SLC38A1: variants seen among roughly 807,000 people sequenced by gnomAD.
SLC38A1 encodes sodium-coupled neutral amino acid symporter 1.
Under a neutral mutation model 60.3 loss-of-function variants are expected in SLC38A1, and 18 were observed. The ratio of observed to expected loss-of-function variants is 0.30; its 90% CI spans 0.21 to 0.44. SLC38A1 has a LOEUF of 0.44. Ranked by LOEUF, SLC38A1 falls within the 20% of genes least tolerant of loss-of-function variation. The pLI, the probability that SLC38A1 is intolerant of heterozygous loss-of-function variation, is 1.00. For synonymous variants in SLC38A1, 196 were observed against 212.1 expected (o/e 0.92, Z 0.66); for missense variants, 448 against 587.2 (o/e 0.76, Z 2.45).
In SLC38A1 at chr12:46,186,138, A is replaced by G. The variant is rs1469954612; in HGVS notation, c.*2832T>C. The G allele has an allele frequency of 6.6e-6, 1 of 152,220 alleles. No individual in the cohort carries two copies. The highest frequency in any genetic ancestry group is 1.9e-4 in the East Asian group (1 of 5,196). 9.4% of individuals were successfully genotyped at this position (152,220 alleles called of 1,614,324 possible). A position where few individuals can be genotyped will look rare whatever the true frequency, so the allele number is the denominator to read the frequency against. ...GGAAAATACATTCCAGGTTGCAAAC[A>G]ACCAACTGACAACCTTTTGGAATAT... On this transcript the variant is annotated 3_prime_UTR_variant, in exon 17 of 17. Coordinates refer to ENST00000398637, the MANE Select transcript of SLC38A1 (RefSeq NM_030674.4).
chr12:46,244,035 A>G (rs1295975700), intron 1 of SLC38A1, among the ~76,000 whole-genome samples: 2 of 152,200 alleles, frequency 1.3e-5, no homozygotes, highest in African/African-American at 4.8e-5. Flanking sequence ...CAACCCATCT[A>G]AAATGACACT....
At chr12:46,239,993 C>A (rs1003502398) in intron 2 of SLC38A1, 100 bp from the exon 3 acceptor site, 8 of 553,868 alleles carry the variant, frequency 1.4e-5, no homozygotes, top group Admixed American at 6.2e-5. Flanking sequence ...ACTGATTATA[C>A]AATTTTACAT....
Position 46,189,088 on chromosome 12 carries a change from G to T in SLC38A1, c.1363-17C>A. ...AAGGGCAGCCTGGAGCAAGAGAAAG[G>T]CAAGGGTTATTTTCAGTGCAGCAAA... On this transcript the variant is annotated splice_polypyrimidine_tract_variant and intron_variant, in intron 16 of 16. Coordinates refer to ENST00000398637, the MANE Select transcript of SLC38A1 (RefSeq NM_030674.4). The T allele has an allele frequency of 1.2e-6, 2 of 1,609,480 alleles. No individual in the cohort carries two copies. The highest frequency in any genetic ancestry group is 1.7e-6 in the Non-Finnish European group (2 of 1,176,548).
intron 16 of SLC38A1, among the ~76,000 whole-genome samples, chr12:46,192,965 T>G (rs1352363142): frequency 2.0e-5 from 3 of 152,212 alleles, no homozygotes; most frequent in Non-Finnish European, 4.4e-5. Context: ...ATTTCTTACC[T>G]TCTGCTAGCT....
Position 46,203,018 on chromosome 12 carries a change from C to T in SLC38A1, c.894G>A (p.Glu298=). The part of the protein sequence containing the change: ...CHPSVLPIYS[E]LKDRSQKKMQ... ...TTAAACAAATTTCTTACTCTTTAAG[C>T]TCACTGTAAATTGGCAGGACTGACG... is the stretch of plus-strand genomic sequence containing the variant. The change falls in exon 12 of 17, where the codon GAG becomes GAA. Residue 298 remains glutamate (E), a synonymous_variant. Transcript: ENST00000398637. The T allele has an allele frequency of 1.2e-6, 2 of 1,613,218 alleles. No homozygotes were observed. The highest frequency in any genetic ancestry group is 1.7e-6 in the Non-Finnish European group (2 of 1,179,322).
intron 5 of SLC38A1, among the ~76,000 whole-genome samples, chr12:46,222,586 CTT>C (rs1473957506): frequency 6.6e-6 from 1 of 152,130 alleles, no homozygotes; most frequent in Non-Finnish European, 1.5e-5. Flanking sequence ...CTATTTTACT[CTT>C]TTAAGTAGTA....
At chr12:46,227,599 T>C (rs1409871886) in intron 5 of SLC38A1, among the ~76,000 whole-genome samples, 1 of 152,196 alleles carries the variant, frequency 6.6e-6, no homozygotes, top group East Asian at 1.9e-4. Context: ...CATCAAAGAA[T>C]TGACTTTTTA....
chr12:46,264,447 A>G lies in SLC38A1; in HGVS notation c.-209+4079T>C, dbSNP rs562349493. ...GGAATTCAGTGATTGGGAAGGTAAC[A>G]TGGTTAGGGGAACTCCTCTGTTATT... On this transcript the variant is annotated intron_variant, in intron 1 of 16. Transcript: ENST00000398637. 1.3e-3 allele frequency among the ~76,000 whole-genome samples: 198 copies of G among 152,326 alleles called. 1 individual carries two copies. Among genetic ancestry groups the G allele is most frequent in the African/African-American group, 4.5e-3 (187 of 41,580 alleles).
chr12:46,210,957 C>G (rs1940139354), intron 5 of SLC38A1, among the ~76,000 whole-genome samples: 1 of 152,120 alleles, frequency 6.6e-6, no homozygotes, highest in African/African-American at 2.4e-5. Context: ...GAGAAACGGA[C>G]AGCAAGCATT....
Position 46,189,938 on chromosome 12 carries a change from AT to A in SLC38A1, c.1363-868del, listed in dbSNP as rs201394214. ...CTTTATAAATTACCCTGTCTCAGGT[AT>A]TTTTTTTTATTATTATACTTTAAGT... On this transcript the variant is annotated intron_variant, in intron 16 of 16. Transcript: ENST00000398637. Among the ~76,000 whole-genome samples, 753 of 151,062 alleles carry A rather than the reference AT, an allele frequency of 5.0e-3. 9 individuals carry two copies. Among genetic ancestry groups the A allele is most frequent in the African/African-American group, 0.017 (690 of 41,164 alleles).
In SLC38A1 at chr12:46,229,267, A is replaced by T. The variant is rs1363712322; in HGVS notation, c.200T>A (p.Ile67Asn). The change falls in exon 5 of 17, where the codon ATT becomes AAT. Residue 67 changes from isoleucine to asparagine, a missense_variant and splice_region_variant. By Grantham distance (149) the Ile-to-Asn change is moderately radical. Coordinates refer to ENST00000398637, the MANE Select transcript of SLC38A1 (RefSeq NM_030674.4). ...CATGCCTAAGGAGGTTGTACCTGGAATCTGAACAAAGAAACAAACATTGAC... is the reference window on the plus strand; with the variant it reads ...CATGCCTAAGGAGGTTGTACCTGGATTCTGAACAAAGAAACAAACATTGAC... The part of the protein sequence containing the change: ...HLEKKKCDEY[I>N]PGTTSLGMSV... 6.2e-7 allele frequency: 1 copy of T among 1,600,044 alleles called. No individual in the cohort carries two copies. Among genetic ancestry groups the T allele is most frequent in the African/African-American group, 1.3e-5 (1 of 74,612 alleles).
intron 2 of SLC38A1, among the ~76,000 whole-genome samples, chr12:46,241,988 G>A (rs1941463667): frequency 6.6e-6 from 1 of 152,126 alleles, no homozygotes; most frequent in African/African-American, 2.4e-5. Context: ...ACTAATAATA[G>A]ATCCCGAGTC....
chr12:46,238,096 T>G (rs1023572976), intron 3 of SLC38A1, among the ~76,000 whole-genome samples: 1 of 151,806 alleles, frequency 6.6e-6, no homozygotes, highest in Admixed American at 6.6e-5. Flanking sequence ...AACTTTACAT[T>G]TTTCTCACTT....
At position 46,187,919 on chromosome 12, in the gene SLC38A1, T is replaced by C. The variant is rs1031257898; in HGVS notation, c.*1051A>G. On this transcript the variant is annotated 3_prime_UTR_variant, in exon 17 of 17. Coordinates refer to ENST00000398637, the MANE Select transcript of SLC38A1 (RefSeq NM_030674.4). ...GATATAAAACAAGTCTTTTAAAGAC[T>C]TCCCTAAAATACTCAATATAAAACA... 3.3e-5 allele frequency: 5 copies of C among 152,074 alleles called. No homozygotes were observed. The highest frequency in any genetic ancestry group is 1.2e-4 in the African/African-American group (5 of 41,402). The allele number at this position is 152,074 out of a possible 1,614,324, so 9.4% of individuals were successfully genotyped here.
chr12:46,243,714 C>G lies in SLC38A1; in HGVS notation c.-208-400G>C, dbSNP rs942751556. ...TCAGGCTATACGATTAATTAAAAGG[C>G]AGACTAGGGTCATCATGTGAAGATC... On this transcript the variant is annotated intron_variant, in intron 1 of 16. Transcript: ENST00000398637. Among the ~76,000 whole-genome samples the G allele has an allele frequency of 2.0e-5, 3 of 152,204 alleles. No individual in the cohort carries two copies. In the East Asian group the frequency reaches 5.8e-4, roughly 29 times the overall value.
chr12:46,265,186 C>A (rs1942314724), intron 1 of SLC38A1, among the ~76,000 whole-genome samples: 2 of 152,190 alleles, frequency 1.3e-5, no homozygotes, highest in Non-Finnish European at 2.9e-5. Flanking sequence ...CCAGCATCAT[C>A]ATTCCCATTT....
At chr12:46,256,627 A>C (rs1942035678) in intron 1 of SLC38A1, among the ~76,000 whole-genome samples, 2 of 127,210 alleles carry the variant, frequency 1.6e-5, no homozygotes, top group African/African-American at 6.7e-5. Flanking sequence ...ACACACACAC[A>C]CACACACACA....
intron 1 of SLC38A1, among the ~76,000 whole-genome samples, chr12:46,252,662 TATCTC>T (rs1409523894): frequency 6.6e-6 from 1 of 151,890 alleles, no homozygotes; most frequent in Non-Finnish European, 1.5e-5. Context: ...GTTCACCTGT[TATCTC>T]AGCAAGCAGA....
chr12:46,252,467 C>T (rs1466277932), intron 1 of SLC38A1, among the ~76,000 whole-genome samples: 1 of 151,438 alleles, frequency 6.6e-6, no homozygotes, highest in Non-Finnish European at 1.5e-5. Context: ...GCACATGTAC[C>T]CTAGAACTAT....
Sources: allele counts gnomAD v4.1 joint callset (sites outside exome capture counted in the v4.1 genomes callset), GRCh38; gene constraint gnomAD v4.1.1; transcripts MANE v1.5; gene names NCBI Gene and HGNC (gene_info 2026-07-23, HGNC 2026-07-21).